PLXNA4: variants seen among roughly 807,000 people sequenced by gnomAD.
PLXNA4 encodes the protein plexin A4, also known as plexin-A4.
PLXNA4 carries 44 observed loss-of-function variants against 191.8 expected under a neutral mutation model. The observed-to-expected ratio is 0.23, with a 90% CI of 0.18 to 0.29. The LOEUF (loss-of-function observed/expected upper bound fraction) is 0.29. Among genes scored for constraint, PLXNA4 ranks in the 10% least tolerant of loss-of-function variants. The pLI is 1.00. For synonymous variants in PLXNA4, 1,082 were observed against 1,009.5 expected, an observed-to-expected ratio of 1.07 and a Z score of -1.36; for missense variants, 1,800 against 2,488.8, an observed-to-expected ratio of 0.72 and a Z score of 5.89.
intron 3 of PLXNA4, among the ~76,000 whole-genome samples, chr7:132,471,834 G>A (rs988520027): frequency 7.9e-5 from 12 of 152,116 alleles, no homozygotes; most frequent in Admixed American, 5.2e-4. Flanking sequence ...AACAGTACAC[G>A]CAAGAACAAA....
chr7:132,430,615 A>G (rs1047818086), intron 3 of PLXNA4, among the ~76,000 whole-genome samples: 6 of 152,212 alleles, frequency 3.9e-5, no homozygotes, highest in African/African-American at 1.4e-4. Flanking sequence ...GATGGTGTCT[A>G]TAAGAACATG....
At chr7:132,298,857 G>A (rs1241998821) in intron 3 of PLXNA4, among the ~76,000 whole-genome samples, 4 of 152,236 alleles carry the variant, frequency 2.6e-5, no homozygotes, top group African/African-American at 9.6e-5. Flanking sequence ...TGTGCTTCAG[G>A]CATGAGTCAT....
rs182311561 is a variant in PLXNA4, at chr7:132,471,514, T to A, written c.1371+17778A>T. On this transcript the variant is annotated intron_variant, in intron 3 of 31. Coordinates refer to ENST00000321063, the MANE Select transcript of PLXNA4 (RefSeq NM_020911.2). ...GGCTGAGTCCTCCCATGGGGGCACC[T>A]CACCTGTTACTCCCAGCGATCACCT... Among the ~76,000 whole-genome samples the A allele has an allele frequency of 4.6e-5, 7 of 152,224 alleles. No individual in the cohort carries two copies. In the East Asian group the frequency reaches 1.4e-3, roughly 29 times the overall value.
chr7:132,240,726 G>A (rs1798849382), intron 5 of PLXNA4, among the ~76,000 whole-genome samples: 2 of 152,190 alleles, frequency 1.3e-5, no homozygotes, highest in African/African-American at 2.4e-5. Flanking sequence ...TGGAAAGTCA[G>A]TCTCTAGCCC....
intron 3 of PLXNA4, among the ~76,000 whole-genome samples, chr7:132,392,970 G>A (rs966789862): frequency 5.3e-5 from 8 of 152,144 alleles, no homozygotes; most frequent in Non-Finnish European, 2.9e-5. Flanking sequence ...CGGTTGGCAC[G>A]AAGGCGCTTC....
At chr7:132,170,497 A>G (rs764015435) in intron 21 of PLXNA4, among the ~76,000 whole-genome samples, 74 of 152,330 alleles carry the variant, frequency 4.9e-4, no homozygotes, top group Non-Finnish European at 3.2e-4. Context: ...GAGGTTTTAA[A>G]CTGGGAAAAA....
chr7:132,364,108 C>T (rs573292184), intron 3 of PLXNA4, among the ~76,000 whole-genome samples: 15 of 152,298 alleles, frequency 9.8e-5, no homozygotes, highest in African/African-American at 2.6e-4. Context: ...CTGGGCAGGG[C>T]GATGGCTCAG....
At chr7:132,540,566 G>GTTTTTTTT (rs1203493435) in intron 1 of PLXNA4, among the ~76,000 whole-genome samples, 1 of 49,588 alleles carries the variant, frequency 2.0e-5, no homozygotes, top group African/African-American at 5.5e-5. Context: ...AGTGTGGACC[G>GTTTTTTTT]TTCTTTTTTT....
At chr7:132,208,690 G>A (rs1562922052) in intron 10 of PLXNA4, among the ~76,000 whole-genome samples, 1 of 152,332 alleles carries the variant, frequency 6.6e-6, no homozygotes, top group East Asian at 1.9e-4. Flanking sequence ...CAGGGGAGGA[G>A]CTATGTCACT....
intron 3 of PLXNA4, among the ~76,000 whole-genome samples, chr7:132,461,686 T>A (rs1250933440): frequency 6.6e-6 from 1 of 152,228 alleles, no homozygotes; most frequent in Non-Finnish European, 1.5e-5. Flanking sequence ...ATGAAGAGAT[T>A]ACCTACAAAG....
At chr7:132,512,192 T>C (rs1798742403) in intron 1 of PLXNA4, among the ~76,000 whole-genome samples, 1 of 152,182 alleles carries the variant, frequency 6.6e-6, no homozygotes. Flanking sequence ...GCCACCAACT[T>C]TTCTGAGGAG....
At chr7:132,499,475 C>T (rs1046755687) in intron 2 of PLXNA4, among the ~76,000 whole-genome samples, 29 of 152,238 alleles carry the variant, frequency 1.9e-4, no homozygotes, top group African/African-American at 7.0e-4. Flanking sequence ...TGTACTTTAG[C>T]TCCAGAGAAC....
intron 2 of PLXNA4, among the ~76,000 whole-genome samples, chr7:132,503,660 G>T (rs1318052744): frequency 6.6e-6 from 1 of 152,218 alleles, no homozygotes; most frequent in Admixed American, 6.5e-5. Flanking sequence ...TTCAAAAGGG[G>T]CTGGGGATAG....
At chr7:132,189,043 AGAGAGAGAGAGAG>A (rs1562909212) in intron 14 of PLXNA4, among the ~76,000 whole-genome samples, 2 of 88,512 alleles carry the variant, frequency 2.3e-5, no homozygotes, top group Non-Finnish European at 4.3e-5. Context: ...AGAGAGAGAG[AGAGAGAGAGAGAG>A]AGAGAGAGAG....
rs1396701522 is a variant in PLXNA4, at chr7:132,146,679, C to T, written c.4886G>A (p.Gly1629Asp). Reference sequence around the variant, plus strand: ...CCGTGAGCGGAGGCTGTCGGGGCTGCCCGTGTACCGGATCATGTTTTCTGC... The same window carrying T: ...CCGTGAGCGGAGGCTGTCGGGGCTGTCCGTGTACCGGATCATGTTTTCTGC... ...SKYENMIRYT[G>D]SPDSLRSRTP... is the part of the protein sequence containing the mutation. Residue 1629 changes from glycine to aspartate, a missense_variant, in exon 28 of 32, where the codon GGC becomes GAC. Transcript: ENST00000321063. The T allele has an allele frequency of 3.1e-6, 5 of 1,614,196 alleles. No homozygotes were observed. In the South Asian group the frequency reaches 3.3e-5, roughly 11 times the overall value.
chr7:132,289,238 C>T (rs1283160505), intron 4 of PLXNA4, among the ~76,000 whole-genome samples: 1 of 152,182 alleles, frequency 6.6e-6, no homozygotes, highest in Non-Finnish European at 1.5e-5. Context: ...ACAGGCCTCC[C>T]CTTCTCCTCT....
chr7:132,646,850 C>T (rs896142441), intron 1 of PLXNA4, among the ~76,000 whole-genome samples: 2 of 152,288 alleles, frequency 1.3e-5, no homozygotes, highest in Non-Finnish European at 2.9e-5. Context: ...CATACGAACA[C>T]ACACTGTCAT....
chr7:132,460,551 C>T lies in PLXNA4; in HGVS notation c.1371+28741G>A, dbSNP rs557925971. On this transcript the variant is annotated intron_variant, in intron 3 of 31. Transcript: ENST00000321063. ...GCAAAGAACCTTGGGTGATGTTTTG[C>T]CAGCTGGAAACCAAATCAAGTCAGG... 4.4e-4 allele frequency among the ~76,000 whole-genome samples: 67 copies of T among 152,178 alleles called. 1 individual carries two copies. In the South Asian group the frequency reaches 0.012, roughly 27 times the overall value.
chr7:132,269,826 T>C (rs1284315310), intron 4 of PLXNA4, among the ~76,000 whole-genome samples: 1 of 152,098 alleles, frequency 6.6e-6, no homozygotes, highest in African/African-American at 2.4e-5. Context: ...GGATGTCTGA[T>C]ATTGCTATTG....
Sources: gnomAD v4.1 joint callset for allele counts (sites outside exome capture counted in the v4.1 genomes callset) on GRCh38, gnomAD v4.1.1 for gene constraint, MANE v1.5 for transcripts, NCBI Gene and HGNC (gene_info 2026-07-23, HGNC 2026-07-21) for gene names.